The following DPT variants were observed in gnomAD, a reference collection of about 807,000 sequenced individuals.
DPT encodes tyrosine-rich acidic matrix protein.
A neutral mutation model predicts 31.2 loss-of-function variants in DPT; 21 were observed. That is an observed-to-expected ratio of 0.67 (90% CI 0.48 to 0.97). DPT has a LOEUF of 0.97. Among genes scored for constraint, DPT ranks in the 50% least tolerant of loss-of-function variants. The pLI, the probability that DPT is intolerant of heterozygous loss-of-function variation, is 0.00. For synonymous variants in DPT, 91 were observed against 86.9 expected, an observed-to-expected ratio of 1.05 and a Z score of -0.26; for missense variants, 262 against 258.8, an observed-to-expected ratio of 1.01 and a Z score of -0.08.
At chr1:168,706,612 C>A (rs1649721145) in intron 2 of DPT, among the ~76,000 whole-genome samples, 1 of 152,184 alleles carries the variant, frequency 6.6e-6, no homozygotes, top group Non-Finnish European at 1.5e-5. Flanking sequence ...CTTCTCTGCA[C>A]AGAAAATCTG....
chr1:168,715,788 C>A (rs1317325441), intron 1 of DPT, among the ~76,000 whole-genome samples: 2 of 152,166 alleles, frequency 1.3e-5, no homozygotes. Context: ...ATAGCATGAG[C>A]TCTTTCACAA....
At chr1:168,701,211 GGA>G in intron 2 of DPT, 87 bp from the exon 3 acceptor site, 1 of 1,046,374 alleles carries the variant, frequency 9.6e-7, no homozygotes, top group Admixed American at 1.8e-5. Flanking sequence ...AAGAAGAGAT[GGA>G]GTTTGAGCAT....
intron 1 of DPT, among the ~76,000 whole-genome samples, chr1:168,723,412 C>A (rs567680892): frequency 6.6e-6 from 1 of 152,334 alleles, no homozygotes; most frequent in African/African-American, 2.4e-5. Context: ...TCATCTCCAT[C>A]TTCCTGGGGC....
chr1:168,726,995 G>T (rs1650259947), intron 1 of DPT, among the ~76,000 whole-genome samples: 1 of 152,166 alleles, frequency 6.6e-6, no homozygotes, highest in South Asian at 2.1e-4. Flanking sequence ...TCTACAGTCC[G>T]GCTGAGCCCC....
At chr1:168,717,632 A>G (rs77915002) in intron 1 of DPT, among the ~76,000 whole-genome samples, 6,428 of 152,182 alleles carry the variant, frequency 0.042, 179 homozygotes, top group Admixed American at 0.054. Flanking sequence ...GTCTTTGTCC[A>G]TGCCTGTGTC....
chr1:168,723,541 C>A (rs1300857911), intron 1 of DPT, among the ~76,000 whole-genome samples: 1 of 152,156 alleles, frequency 6.6e-6, no homozygotes, highest in Admixed American at 6.5e-5. Context: ...GGCCATAGAA[C>A]CTATACTTAT....
At chr1:168,724,343 C>T (rs1650189157) in intron 1 of DPT, among the ~76,000 whole-genome samples, 1 of 152,172 alleles carries the variant, frequency 6.6e-6, no homozygotes, top group African/African-American at 2.4e-5. Flanking sequence ...AAATGGTTCC[C>T]CTGTGGGAAA....
rs1455152615 is a variant in DPT at position 168,695,916 on chromosome 1, T to G, written c.*633A>C. ...ACTGGGTATGCTAACGTTTGTCTTC[T>G]AATTCAGGAAATCCTTCCAACCCTG... is the stretch of plus-strand genomic sequence containing the variant. On this transcript the variant is annotated 3_prime_UTR_variant, in exon 4 of 4. Coordinates refer to ENST00000367817, the MANE Select transcript of DPT (RefSeq NM_001937.5). The G allele has an allele frequency of 2.8e-6, 1 of 353,034 alleles. No homozygotes were observed. The highest frequency in any genetic ancestry group is 2.1e-5 in the African/African-American group (1 of 47,836). 21.9% of individuals were successfully genotyped at this position (353,034 alleles called of 1,614,324 possible).
At chr1:168,702,499 C>T (rs1649620212) in intron 2 of DPT, among the ~76,000 whole-genome samples, 1 of 152,068 alleles carries the variant, frequency 6.6e-6, no homozygotes. Context: ...AGTGAGGTAC[C>T]TGTGTTTTTG....
intron 3 of DPT, among the ~76,000 whole-genome samples, chr1:168,698,283 C>G (rs991397283): frequency 2.0e-5 from 3 of 152,070 alleles, no homozygotes; most frequent in African/African-American, 7.2e-5. Flanking sequence ...GGGTGATCAA[C>G]TTGAGGGTCT....
Position 168,714,248 on chromosome 1 carries a change from T to A in DPT, c.404A>T (p.Tyr135Phe), listed in dbSNP as rs14395. The A allele has an allele frequency of 5.9e-5, 95 of 1,614,026 alleles. No homozygotes were observed. The highest frequency in any genetic ancestry group is 7.5e-5 in the Non-Finnish European group (89 of 1,179,984). ...GCAGGAATATGGGCACCTCTTGCTG[T>A]AGCGACAACAGTAAAACTGCCACTC... is the stretch of plus-strand genomic sequence containing the variant. ...DREWQFYCCR[Y>F]SKRCPYSCWL... Residue 135 changes from tyrosine to phenylalanine, a missense_variant, in exon 2 of 4, where the codon TAC becomes TTC. Coordinates refer to ENST00000367817, the MANE Select transcript of DPT (RefSeq NM_001937.5).
chr1:168,706,836 C>T (rs1299093267), intron 2 of DPT, among the ~76,000 whole-genome samples: 1 of 152,168 alleles, frequency 6.6e-6, no homozygotes. Context: ...ACTCACTGTC[C>T]AAGCCCAGGG....
At chr1:168,727,527 T>C (rs1014603195) in intron 1 of DPT, among the ~76,000 whole-genome samples, 1 of 139,160 alleles carries the variant, frequency 7.2e-6, no homozygotes, top group South Asian at 2.3e-4. Flanking sequence ...TGCTTTTTCT[T>C]TTTTCTATTT....
rs78760104 is a variant in DPT at position 168,696,509 on chromosome 1, C to CT, written c.*39_*40insA. 895,869 of 1,584,204 alleles carry CT rather than the reference C, an allele frequency of 0.57. 257,149 individuals carry two copies. Among genetic ancestry groups the CT allele is most frequent in the African/African-American group, 0.81 (59,888 of 74,258 alleles). On this transcript the variant is annotated 3_prime_UTR_variant, in exon 4 of 4. Coordinates refer to ENST00000367817, the MANE Select transcript of DPT (RefSeq NM_001937.5). ...ACATATGTGGACACCCTCCTGTCCCCGGCCCCTTTCCTTTCACCCAGATTT... is the reference window on the plus strand; with the variant it reads ...ACATATGTGGACACCCTCCTGTCCCCTGGCCCCTTTCCTTTCACCCAGATTT...
intron 2 of DPT, among the ~76,000 whole-genome samples, chr1:168,708,223 T>G (rs475446): frequency 0.052 from 7,936 of 152,296 alleles, 288 homozygotes; most frequent in Middle Eastern, 0.12. Context: ...TGAATATTTT[T>G]GATTCAAAGT....
intron 3 of DPT, among the ~76,000 whole-genome samples, chr1:168,697,074 C>T (rs1054169567): frequency 2.0e-5 from 3 of 151,982 alleles, no homozygotes; most frequent in African/African-American, 4.8e-5. Context: ...CCAGTCTGGC[C>T]AATATGTGGA....
At chr1:168,721,715 C>T (rs1650120317) in intron 1 of DPT, among the ~76,000 whole-genome samples, 1 of 152,218 alleles carries the variant, frequency 6.6e-6, no homozygotes, top group Non-Finnish European at 1.5e-5. Context: ...TTTCACCTAA[C>T]ACATACTGTC....
Position 168,696,334 on chromosome 1 carries a change from T to C in DPT, c.*215A>G, listed in dbSNP as rs900580260. 2.9e-5 allele frequency: 17 copies of C among 580,980 alleles called. No homozygotes were observed. Among genetic ancestry groups the C allele is most frequent in the Non-Finnish European group, 4.6e-5 (15 of 329,502 alleles). The allele number at this position is 580,980 out of a possible 1,614,324, so 36.0% of individuals were successfully genotyped here. A position where few individuals can be genotyped will look rare whatever the true frequency, so the allele number is the denominator to read the frequency against. On this transcript the variant is annotated 3_prime_UTR_variant, in exon 4 of 4. Coordinates refer to ENST00000367817, the MANE Select transcript of DPT (RefSeq NM_001937.5). Reference sequence around the variant, plus strand: ...CATATAAAGCAGTTGCTATGAAACATGTGAAAAGTGAGAAACATGGTTTAA... The same window carrying C: ...CATATAAAGCAGTTGCTATGAAACACGTGAAAAGTGAGAAACATGGTTTAA...
At chr1:168,713,324 T>G (rs1025929057) in intron 2 of DPT, among the ~76,000 whole-genome samples, 2 of 152,188 alleles carry the variant, frequency 1.3e-5, no homozygotes, top group African/African-American at 4.8e-5. Flanking sequence ...ACGTTAAGCT[T>G]TTGGGGCTTT....
Sources: gnomAD v4.1 joint callset for allele counts (sites outside exome capture counted in the v4.1 genomes callset) on GRCh38, gnomAD v4.1.1 for gene constraint, MANE v1.5 for transcripts, NCBI Gene and HGNC (gene_info 2026-07-23, HGNC 2026-07-21) for gene names.